SYNDIG1: variants seen among roughly 807,000 people sequenced by gnomAD.
The protein encoded by SYNDIG1 is synapse differentiation inducing 1, also known as synapse differentiation-inducing gene protein 1.
SYNDIG1 carries 9 observed loss-of-function variants against 19.4 expected under a neutral mutation model. That is an observed-to-expected ratio of 0.46 (90% CI 0.28 to 0.81). The LOEUF is 0.81. Ranked by LOEUF, SYNDIG1 falls within the 30% of genes least tolerant of loss-of-function variation. SYNDIG1 has a pLI of 0.12. For synonymous variants in SYNDIG1, 141 were observed against 145.9 expected (o/e 0.97, Z 0.24); for missense variants, 311 against 343.3 (o/e 0.91, Z 0.74).
chr20:24,511,632 C>T (rs915505377), intron 1 of SYNDIG1, among the ~76,000 whole-genome samples: 9 of 152,138 alleles, frequency 5.9e-5, no homozygotes, highest in South Asian at 2.1e-4. Context: ...CCCCACACTG[C>T]GGCAGTATCA....
At chr20:24,556,438 T>A (rs2057819730) in intron 2 of SYNDIG1, among the ~76,000 whole-genome samples, 1 of 152,248 alleles carries the variant, frequency 6.6e-6, no homozygotes, top group African/African-American at 2.4e-5. Flanking sequence ...TTGCAGGGGC[T>A]GGTACCGATT....
At chr20:24,628,075 G>C (rs953778870) in intron 3 of SYNDIG1, among the ~76,000 whole-genome samples, 2 of 152,258 alleles carry the variant, frequency 1.3e-5, no homozygotes, top group Non-Finnish European at 2.9e-5. Flanking sequence ...CTCTAGGACA[G>C]AGGAAGGAGG....
chr20:24,632,052 A>G (rs1304329082), intron 3 of SYNDIG1, among the ~76,000 whole-genome samples: 1 of 152,020 alleles, frequency 6.6e-6, no homozygotes. Context: ...CTCTGCTCCT[A>G]ACTTCAGAGG....
intron 1 of SYNDIG1, among the ~76,000 whole-genome samples, chr20:24,499,194 C>T (rs2056380792): frequency 6.6e-6 from 1 of 152,032 alleles, no homozygotes; most frequent in African/African-American, 2.4e-5. Flanking sequence ...CCAGCTAATT[C>T]TTGTATTTTT....
chr20:24,501,168 A>AT (rs762391785), intron 1 of SYNDIG1, among the ~76,000 whole-genome samples: 5 of 152,228 alleles, frequency 3.3e-5, no homozygotes, highest in East Asian at 1.9e-4. Flanking sequence ...TATTCCATCT[A>AT]TTTTTTTATA....
At chr20:24,618,741 A>T (rs117829800) in intron 3 of SYNDIG1, among the ~76,000 whole-genome samples, 2,373 of 152,148 alleles carry the variant, frequency 0.016, 35 homozygotes, top group Middle Eastern at 0.031. Flanking sequence ...AGCTGCTGTG[A>T]CCTTTTCTTC....
At chr20:24,476,199 A>G (rs1337800309) in intron 1 of SYNDIG1, among the ~76,000 whole-genome samples, 2 of 151,666 alleles carry the variant, frequency 1.3e-5, no homozygotes, top group Non-Finnish European at 2.9e-5. Context: ...TTTCTTATAT[A>G]CTAAACCCAG....
chr20:24,606,342 A>G (rs2058756781), intron 3 of SYNDIG1, among the ~76,000 whole-genome samples: 1 of 152,198 alleles, frequency 6.6e-6, no homozygotes, highest in African/African-American at 2.4e-5. Flanking sequence ...ACTGACCCCT[A>G]TTGCCATGAG....
chr20:24,563,166 G>A (rs1366322017), intron 2 of SYNDIG1, among the ~76,000 whole-genome samples: 1 of 152,130 alleles, frequency 6.6e-6, no homozygotes, highest in African/African-American at 2.4e-5. Context: ...GTGTTCGATG[G>A]CTTATTAAAA....
intron 1 of SYNDIG1, among the ~76,000 whole-genome samples, chr20:24,532,725 G>T (rs1275956977): frequency 6.6e-6 from 1 of 152,226 alleles, no homozygotes; most frequent in Admixed American, 6.5e-5. Context: ...ATCCATGCAT[G>T]GCCCCACAGC....
intron 3 of SYNDIG1, among the ~76,000 whole-genome samples, chr20:24,660,910 C>T (rs1322650966): frequency 1.3e-5 from 2 of 152,348 alleles, no homozygotes. Flanking sequence ...GCCGGTCAGC[C>T]GCTTGCCTTT....
At chr20:24,470,664 A>G (rs1169625274) in intron 1 of SYNDIG1, among the ~76,000 whole-genome samples, 3 of 152,188 alleles carry the variant, frequency 2.0e-5, no homozygotes, top group African/African-American at 7.2e-5. Flanking sequence ...GCTTTTTGCA[A>G]GACCCTACTA....
intron 3 of SYNDIG1, among the ~76,000 whole-genome samples, chr20:24,633,998 A>G (rs557291956): frequency 6.6e-6 from 1 of 152,228 alleles, no homozygotes; most frequent in South Asian, 2.1e-4. Context: ...ACATGTCTGG[A>G]TTTGTTTATT....
intron 3 of SYNDIG1, among the ~76,000 whole-genome samples, chr20:24,592,950 C>G (rs1375096907): frequency 6.6e-6 from 1 of 152,062 alleles, no homozygotes; most frequent in Non-Finnish European, 1.5e-5. Context: ...AGTTGATTTG[C>G]CCATGGAAAA....
intron 1 of SYNDIG1, among the ~76,000 whole-genome samples, chr20:24,535,260 T>A (rs968817811): frequency 6.6e-6 from 1 of 152,130 alleles, no homozygotes; most frequent in African/African-American, 2.4e-5. Flanking sequence ...AGCATAGGAG[T>A]AGCTCTTCAT....
intron 3 of SYNDIG1, among the ~76,000 whole-genome samples, chr20:24,596,440 A>G (rs1262062079): frequency 6.6e-6 from 1 of 151,836 alleles, no homozygotes; most frequent in Non-Finnish European, 1.5e-5. Context: ...GTGCAGTGGC[A>G]TGGTCTCAGC....
chr20:24,608,183 A>C (rs1175663478), intron 3 of SYNDIG1, among the ~76,000 whole-genome samples: 1 of 136,764 alleles, frequency 7.3e-6, no homozygotes, highest in Non-Finnish European at 1.6e-5. Flanking sequence ...TTTTGGCAAT[A>C]TTATCTCCTA....
chr20:24,626,238 A>G, intron 3 of SYNDIG1, among the ~76,000 whole-genome samples: 1 of 116,526 alleles, frequency 8.6e-6, no homozygotes, highest in East Asian at 2.6e-4. Flanking sequence ...TCCCTCCCGG[A>G]CAGGGTGGCT....
chr20:24,590,220 CAGAG>C (rs1433208744), intron 3 of SYNDIG1, among the ~76,000 whole-genome samples: 3 of 151,524 alleles, frequency 2.0e-5, no homozygotes, highest in African/African-American at 4.9e-5. Context: ...AGCTTCCAGA[CAGAG>C]AGGCCTGCAG....
Sources: gnomAD v4.1 joint callset for allele counts (sites outside exome capture counted in the v4.1 genomes callset) on GRCh38, gnomAD v4.1.1 for gene constraint, MANE v1.5 for transcripts, NCBI Gene and HGNC (gene_info 2026-07-23, HGNC 2026-07-21) for gene names.